Variants in MIPEP observed in about 807,000 individuals in gnomAD.
MIPEP encodes the protein mitochondrial intermediate peptidase.
MIPEP carries 79 observed loss-of-function variants against 90.3 expected under a neutral mutation model. The observed-to-expected ratio is 0.87, with a 90% confidence interval of 0.73 to 1.05. The LOEUF (loss-of-function observed/expected upper bound fraction) is 1.05. Among genes scored for constraint, MIPEP ranks in the 50% least tolerant of loss-of-function variants. The pLI, the probability that MIPEP is intolerant of heterozygous loss-of-function variation, is 0.00. For synonymous variants in MIPEP, 334 were observed against 315.8 expected (o/e 1.06, Z -0.61); for missense variants, 940 against 905.6 (o/e 1.04, Z -0.49).
chr13:23,772,922 A>T (rs4770491), intron 16 of MIPEP, among the ~76,000 whole-genome samples: 76,304 of 152,058 alleles, frequency 0.5, 20,608 homozygotes, highest in East Asian at 0.78. Context: ...ACTCTTTTCA[A>T]GTGTACACTT....
chr13:23,887,828 T>C (rs9553087), intron 1 of MIPEP, among the ~76,000 whole-genome samples: 35,890 of 152,132 alleles, frequency 0.24, 4,450 homozygotes, highest in East Asian at 0.45. Flanking sequence ...CTCTTCAAAA[T>C]ATATTACAAG....
chr13:23,824,076 C>G (rs1953339519), intron 14 of MIPEP, among the ~76,000 whole-genome samples: 1 of 152,174 alleles, frequency 6.6e-6, no homozygotes, highest in Non-Finnish European at 1.5e-5. Context: ...ATGAAGCTAG[C>G]ACAGCATTTT....
At chr13:23,841,687 A>G (rs985964973) in intron 10 of MIPEP, among the ~76,000 whole-genome samples, 199 bp from the exon 11 acceptor site, 20 of 152,214 alleles carry the variant, frequency 1.3e-4, no homozygotes, top group Admixed American at 1.2e-3. Context: ...AGTGTTAGTT[A>G]TAAGTCAGTA....
At chr13:23,766,161 T>C (rs1952589740) in intron 16 of MIPEP, 1 of 152,228 alleles carries the variant, frequency 6.6e-6, no homozygotes, top group African/African-American at 2.4e-5. Flanking sequence ...CTGTAAATGA[T>C]TTTTAAAAAT....
intron 18 of MIPEP, among the ~76,000 whole-genome samples, chr13:23,748,153 G>C (rs117196878): frequency 0.025 from 3,845 of 152,254 alleles, 62 homozygotes; most frequent in Non-Finnish European, 0.038. Context: ...CAATTTTCCT[G>C]CCTCAGCCTC....
intron 16 of MIPEP, among the ~76,000 whole-genome samples, chr13:23,797,601 A>G (rs1952977427): frequency 6.6e-6 from 1 of 152,128 alleles, no homozygotes; most frequent in Non-Finnish European, 1.5e-5. Context: ...GCACTCCTCT[A>G]TTCTGCCTGG....
chr13:23,739,114 T>C lies in MIPEP; in HGVS notation c.2045-8669A>G, dbSNP rs537250378. ...ATTTCTCAGGTGAAATAGAAAACAA[T>C]TGTTTCATGTAAAACTATAATTTAT... is the stretch of plus-strand genomic sequence containing the variant. On this transcript the variant is annotated intron_variant, in intron 18 of 18. Coordinates refer to ENST00000382172, the MANE Select transcript of MIPEP (RefSeq NM_005932.4). Among the ~76,000 whole-genome samples, 12 of 152,368 alleles carry C rather than the reference T, an allele frequency of 7.9e-5. No individual in the cohort carries two copies. The East Asian group carries it at 9.7e-4, about 12-fold the overall frequency.
At position 23,886,361 on chromosome 13, in the gene MIPEP, G is replaced by A. The variant is rs749677843; in HGVS notation, c.335C>T (p.Ser112Leu). Residue 112 changes from serine to leucine, a missense_variant, in exon 2 of 19, where the codon TCG becomes TTG. Physicochemically the swap from Ser to Leu is moderately radical, Grantham distance 145. Transcript: ENST00000382172. ...GTCGGCCACTCTGCATAAGGAATCC[G>A]AGAGCTCATCGAAGATCAGCACGGT... is the stretch of plus-strand genomic sequence containing the variant. ...PQTVLIFDEL[S>L]DSLCRVADLA... 13 of 1,594,220 alleles carry A rather than the reference G, an allele frequency of 8.2e-6. No individual in the cohort carries two copies. Among genetic ancestry groups the A allele is most frequent in the Admixed American group, 5.2e-5 (3 of 57,670 alleles).
In MIPEP at chr13:23,743,914, G is replaced by A. The variant is rs1037888339; in HGVS notation, c.2044+12631C>T. ...AGCTTTCAGCGATTTCAGAGGCTAC[G>A]TTGGGTAAATATATGAACAAGCCAA... On this transcript the variant is annotated intron_variant, in intron 18 of 18. Transcript: ENST00000382172. Among the ~76,000 whole-genome samples, 7 of 152,154 alleles carry A rather than the reference G, an allele frequency of 4.6e-5. No individual in the cohort carries two copies. In the South Asian group the frequency reaches 6.2e-4, roughly 14 times the overall value.
At chr13:23,828,391 T>A (rs1188029554) in intron 14 of MIPEP, among the ~76,000 whole-genome samples, 1 of 152,228 alleles carries the variant, frequency 6.6e-6, no homozygotes, top group African/African-American at 2.4e-5. Context: ...AAGCTGTCAT[T>A]ATTTTTAGCA....
At chr13:23,847,464 T>TAAAAA (rs60152921) in intron 10 of MIPEP, among the ~76,000 whole-genome samples, 7 of 137,664 alleles carry the variant, frequency 5.1e-5, no homozygotes, top group Non-Finnish European at 9.3e-5. Context: ...AAATCCAAGC[T>TAAAAA]AAAAAAAAAA....
chr13:23,767,909 C>A (rs1024810554), intron 16 of MIPEP, among the ~76,000 whole-genome samples: 1 of 152,078 alleles, frequency 6.6e-6, no homozygotes, highest in Non-Finnish European at 1.5e-5. Flanking sequence ...CAGAATAATA[C>A]CCTTTTCTTG....
rs375954829 is a variant in MIPEP, at chr13:23,886,340, G to C, written c.356C>G (p.Ala119Gly). 46 of 1,535,768 alleles carry C rather than the reference G, an allele frequency of 3.0e-5. No individual in the cohort carries two copies. Among genetic ancestry groups the C allele is most frequent in the Non-Finnish European group, 3.9e-5 (45 of 1,140,610 alleles). ...DELSDSLCRV[A>G]DLADFVKIAH... ...TGAGGTAAAGCACCTTACCAAGTCG[G>C]CCACTCTGCATAAGGAATCCGAGAG... The change falls in exon 2 of 19, where the codon GCC becomes GGC. Residue 119 changes from alanine (A) to glycine (G), a missense_variant. Coordinates refer to ENST00000382172, the MANE Select transcript of MIPEP (RefSeq NM_005932.4).
chr13:23,867,786 GC>G (rs1273419270), intron 7 of MIPEP, among the ~76,000 whole-genome samples: 19 of 152,074 alleles, frequency 1.2e-4, no homozygotes, highest in Admixed American at 9.8e-4. Context: ...ATGTGTTTAG[GC>G]TTCAGTTCTG....
At chr13:23,849,091 C>T (rs1465581256) in intron 10 of MIPEP, among the ~76,000 whole-genome samples, 2 of 152,204 alleles carry the variant, frequency 1.3e-5, no homozygotes, top group Admixed American at 1.3e-4. Context: ...GTACAGCCCT[C>T]CACGCCAGGC....
At chr13:23,868,710 A>G (rs1056765300) in intron 7 of MIPEP, among the ~76,000 whole-genome samples, 1 of 152,188 alleles carries the variant, frequency 6.6e-6, no homozygotes, top group African/African-American at 2.4e-5. Context: ...AATGCTTCTG[A>G]AAAAACGTAT....
In MIPEP at chr13:23,839,668, C is replaced by T. The variant is rs1869208569; in HGVS notation, c.1319G>A (p.Arg440Gln). The change falls in exon 12 of 19, where the codon CGA becomes CAA. Residue 440 changes from arginine to glutamine, a missense_variant. Arg to Gln is a conservative substitution (Grantham distance 43). Coordinates refer to ENST00000382172, the MANE Select transcript of MIPEP (RefSeq NM_005932.4). The stretch of plus-strand genomic sequence containing the variant: ...GATCACCTGATGTGGTTTGTCTGCT[C>T]GCTGAAAAAAATCACAGTAAATGTA... ...LGYIYCDFFQ[R>Q]ADKPHQDCHF... The T allele has an allele frequency of 1.2e-6, 2 of 1,612,654 alleles. No individual in the cohort carries two copies. Among genetic ancestry groups the T allele is most frequent in the African/African-American group, 1.3e-5 (1 of 74,914 alleles).
intron 18 of MIPEP, among the ~76,000 whole-genome samples, chr13:23,750,914 C>T (rs777499652): frequency 8.5e-5 from 13 of 152,316 alleles, no homozygotes; most frequent in Middle Eastern, 3.4e-3. Flanking sequence ...ATGACACATG[C>T]GCCCATCACT....
intron 12 of MIPEP, among the ~76,000 whole-genome samples, chr13:23,839,231 T>C (rs1422458666): frequency 6.6e-6 from 1 of 152,174 alleles, no homozygotes; most frequent in Non-Finnish European, 1.5e-5. Flanking sequence ...GGGGATCTGC[T>C]CAGGATGTAT....
Sources: gnomAD v4.1 joint callset for allele counts (sites outside exome capture counted in the v4.1 genomes callset) on GRCh38, gnomAD v4.1.1 for gene constraint, MANE v1.5 for transcripts, NCBI Gene and HGNC (gene_info 2026-07-23, HGNC 2026-07-21) for gene names.